CENPP: variants seen among roughly 807,000 people sequenced by gnomAD.
CENPP encodes centromere protein P.
Under a neutral mutation model 35.6 loss-of-function variants are expected in CENPP, and 24 were observed. That is an observed-to-expected ratio of 0.67 (90% CI 0.49 to 0.95). CENPP has a LOEUF of 0.95. Ranked by LOEUF, CENPP falls within the 40% of genes least tolerant of loss-of-function variation. CENPP has a pLI of 0.00. For missense variants in CENPP, 332 were observed against 345.3 expected (o/e 0.96, Z 0.31); for synonymous variants, 120 against 125.5 (o/e 0.96, Z 0.29).
At chr9:92,603,117 G>A (rs1221991007) in intron 5 of CENPP, among the ~76,000 whole-genome samples, 4 of 152,170 alleles carry the variant, frequency 2.6e-5, no homozygotes. Context: ...ACACGACTGA[G>A]GCTCAGAGAG....
Position 92,520,102 on chromosome 9 carries a change from T to C in CENPP, c.565-91212T>C, listed in dbSNP as rs1294332078. ...TTTGAGAACGGCTTGGACAACATAATGGGATGCTGTCTCTACAGAAAAAGT... is the reference window on the plus strand; with the variant it reads ...TTTGAGAACGGCTTGGACAACATAACGGGATGCTGTCTCTACAGAAAAAGT... On this transcript the variant is annotated intron_variant, in intron 5 of 7. Transcript: ENST00000375587. 2.0e-4 allele frequency among the ~76,000 whole-genome samples: 26 copies of C among 132,342 alleles called. 1 individual carries two copies. Among genetic ancestry groups the C allele is most frequent in the Admixed American group, 1.8e-3 (25 of 13,690 alleles). 86.8% of individuals were successfully genotyped at this position (132,342 alleles called of 152,430 possible).
chr9:92,489,331 A>C (rs1440652567), intron 5 of CENPP, among the ~76,000 whole-genome samples: 2 of 152,240 alleles, frequency 1.3e-5, no homozygotes, highest in Non-Finnish European at 2.9e-5. Flanking sequence ...TGAATAGGAA[A>C]GGAACAAACT....
intron 1 of CENPP, among the ~76,000 whole-genome samples, chr9:92,328,531 G>T (rs151065824): frequency 3.9e-4 from 59 of 152,244 alleles, no homozygotes; most frequent in African/African-American, 1.4e-3. Context: ...TTGCTGTGAG[G>T]ACTAATTGAG....
At position 92,611,362 on chromosome 9, in the gene CENPP, T is replaced by C. The variant is rs1223093821; in HGVS notation, c.613T>C (p.Ser205Pro). 66 of 1,613,186 alleles carry C rather than the reference T, an allele frequency of 4.1e-5. No individual in the cohort carries two copies. The highest frequency in any genetic ancestry group is 3.4e-6 in the Non-Finnish European group (4 of 1,179,926). ...CCTCTCGGAGGGGCCCTCCTCCTGCTCCATGGGGATCCGCAGCGCCAGCCG... is the reference window on the plus strand; with the variant it reads ...CCTCTCGGAGGGGCCCTCCTCCTGCCCCATGGGGATCCGCAGCGCCAGCCG... The part of the protein sequence containing the change: ...VYLSEGPSSC[S>P]MGIRSASRPG... Residue 205 changes from serine to proline, a missense_variant, in exon 6 of 8, where the codon TCC becomes CCC. Physicochemically the swap from Ser to Pro is moderately conservative, Grantham distance 74. Transcript: ENST00000375587.
intron 5 of CENPP, among the ~76,000 whole-genome samples, chr9:92,551,925 G>GTGTGTATATA (rs1176239722): frequency 1.2e-5 from 1 of 84,568 alleles, no homozygotes; most frequent in African/African-American, 8.1e-5. Flanking sequence ...TGGTGTGTGT[G>GTGTGTATATA]TATATATATA....
chr9:92,349,540 A>T (rs1228435761), intron 4 of CENPP, among the ~76,000 whole-genome samples: 1 of 151,374 alleles, frequency 6.6e-6, no homozygotes, highest in East Asian at 1.9e-4. Context: ...AGTAGCTGGG[A>T]TTATAGGCAC....
At position 92,514,951 on chromosome 9, in the gene CENPP, C is replaced by T. The variant is rs776180353; in HGVS notation, c.565-96363C>T. 4.3e-6 allele frequency: 7 copies of T among 1,614,024 alleles called. No homozygotes were observed. The African/African-American group carries it at 9.3e-5, about 22-fold the overall frequency. On this transcript the variant is annotated intron_variant, in intron 5 of 7. Transcript: ENST00000375587. ...CCTCTGCTTTCTGTCTCCTCCTCTG[C>T]TGTCCCCCTCACTGTAAAGTTGCCC...
chr9:92,454,898 C>G (rs533926690), intron 5 of CENPP, among the ~76,000 whole-genome samples: 53 of 152,290 alleles, frequency 3.5e-4, no homozygotes, highest in Non-Finnish European at 5.4e-4. Flanking sequence ...CATCATCCCT[C>G]TACTCATACC....
Position 92,546,697 on chromosome 9 carries a change from G to A in CENPP, c.565-64617G>A, listed in dbSNP as rs185527067. On this transcript the variant is annotated intron_variant, in intron 5 of 7. Transcript: ENST00000375587. ...CGTGAGGGTCCGCGGCTTCATTCTT[G>A]AAGTCAGTGAGACCAAGAACCCAGC... is the stretch of plus-strand genomic sequence containing the variant. Among the ~76,000 whole-genome samples, 45 of 152,262 alleles carry A rather than the reference G, an allele frequency of 3.0e-4. No individual in the cohort carries two copies. The South Asian group carries it at 9.3e-3, about 32-fold the overall frequency.
At chr9:92,333,103 A>C (rs934298804) in intron 2 of CENPP, among the ~76,000 whole-genome samples, 9 of 152,192 alleles carry the variant, frequency 5.9e-5, no homozygotes, top group Admixed American at 1.3e-4. Flanking sequence ...GGTCCCAATG[A>C]CTAGATTTTA....
At position 92,326,108 on chromosome 9, in the gene CENPP, A is replaced by G. The variant is rs766703459; in HGVS notation, c.107+3A>G. ...TGGGAAGAGAAGTCCCGAGTCCAGT[A>G]CGTGACCACCCCAAGTCCCCCAGGG... On this transcript the variant is annotated splice_donor_region_variant and intron_variant, in intron 1 of 7. Coordinates refer to ENST00000375587, the MANE Select transcript of CENPP (RefSeq NM_001012267.3). 1 of 1,529,772 alleles carries G rather than the reference A, an allele frequency of 6.5e-7. No homozygotes were observed. The allele number at this position is 1,529,772 out of a possible 1,614,324, so 94.8% of individuals were successfully genotyped here.
intron 5 of CENPP, among the ~76,000 whole-genome samples, chr9:92,428,514 A>G (rs920361793): frequency 9.2e-5 from 14 of 152,004 alleles, no homozygotes; most frequent in East Asian, 3.9e-4. Context: ...AATTGAATCT[A>G]TTGGTGAATC....
At chr9:92,515,062 T>A in intron 5 of CENPP, 2 of 1,614,176 alleles carry the variant, frequency 1.2e-6, no homozygotes, top group Non-Finnish European at 1.7e-6. Flanking sequence ...AAGTGCTTCT[T>A]TTCTTACTAT....
chr9:92,431,340 G>A (rs1327890185), intron 5 of CENPP, among the ~76,000 whole-genome samples: 3 of 152,136 alleles, frequency 2.0e-5, no homozygotes, highest in African/African-American at 7.2e-5. Flanking sequence ...TTGATGCACT[G>A]TTGGCATTTG....
intron 5 of CENPP, among the ~76,000 whole-genome samples, chr9:92,552,188 T>TACACAC (rs766310025): frequency 8.0e-5 from 8 of 100,124 alleles, no homozygotes; most frequent in African/African-American, 3.2e-4. Context: ...AGATCTATCA[T>TACACAC]ATACACACAC....
rs1039613565 is a variant in CENPP at position 92,516,133 on chromosome 9, G to C, written c.565-95181G>C. ...GGCTGGAATGCAGTGGCATGATCTC[G>C]GCTCACTGCACCCTCCGCCTCCCGG... On this transcript the variant is annotated intron_variant, in intron 5 of 7. Coordinates refer to ENST00000375587, the MANE Select transcript of CENPP (RefSeq NM_001012267.3). 2.0e-5 allele frequency among the ~76,000 whole-genome samples: 3 copies of C among 150,030 alleles called. No individual in the cohort carries two copies. In the East Asian group the frequency reaches 5.9e-4, roughly 29 times the overall value.
chr9:92,599,115 C>CA (rs376669785), intron 5 of CENPP, among the ~76,000 whole-genome samples: 4,288 of 137,604 alleles, frequency 0.031, 69 homozygotes, highest in Non-Finnish European at 0.042. Flanking sequence ...GACTCTGTGT[C>CA]AAAAAAAAAA....
At position 92,613,028 on chromosome 9, in the gene CENPP, T is replaced by C. The variant is rs1425556935; in HGVS notation, c.746T>C (p.Leu249Pro). The C allele has an allele frequency of 6.2e-7, 1 of 1,614,126 alleles. No homozygotes were observed. The highest frequency in any genetic ancestry group is 8.5e-7 in the Non-Finnish European group (1 of 1,180,012). Residue 249 changes from leucine to proline, a missense_variant, in exon 8 of 8, where the codon CTG (leucine) becomes CCG (proline). Coordinates refer to ENST00000375587, the MANE Select transcript of CENPP (RefSeq NM_001012267.3). ...LTKVPQRALE[L>P]DKNRAIETAP... ...AATGTTTTCTTTATAGCCCTGGAGCTGGACAAGAACAGAGCCATAGAAACT... is the reference window on the plus strand; with the variant it reads ...AATGTTTTCTTTATAGCCCTGGAGCCGGACAAGAACAGAGCCATAGAAACT...
At chr9:92,394,647 C>G (rs531895495) in intron 5 of CENPP, among the ~76,000 whole-genome samples, 51 of 152,076 alleles carry the variant, frequency 3.4e-4, no homozygotes, top group African/African-American at 1.2e-3. Flanking sequence ...CTTCGTCACC[C>G]AGGTTGGAGT....
Sources: allele counts gnomAD v4.1 joint callset (sites outside exome capture counted in the v4.1 genomes callset), GRCh38; gene constraint gnomAD v4.1.1; transcripts MANE v1.5; gene names NCBI Gene and HGNC (gene_info 2026-07-23, HGNC 2026-07-21).